Variants in TMEM117 observed in about 807,000 individuals in gnomAD.
TMEM117 encodes transmembrane protein 117.
A neutral mutation model predicts 52.4 loss-of-function variants in TMEM117; 27 were observed. The observed-to-expected ratio is 0.51, with a 90% CI of 0.38 to 0.71. The LOEUF (loss-of-function observed/expected upper bound fraction) is 0.71, where lower values mean the gene tolerates loss of function less well. Ranked by LOEUF, TMEM117 falls within the 30% of genes least tolerant of loss-of-function variation. The pLI is 0.00. For synonymous variants in TMEM117, 215 were observed against 206.3 expected (o/e 1.04, Z -0.36); for missense variants, 556 against 630.5 (o/e 0.88, Z 1.26).
chr12:43,946,732 C>T (rs1000627691), intron 3 of TMEM117, among the ~76,000 whole-genome samples: 4 of 152,126 alleles, frequency 2.6e-5, no homozygotes, highest in African/African-American at 9.7e-5. Flanking sequence ...ACTCATTCAC[C>T]ATATCCTATT....
chr12:44,119,673 G>A (rs1458185553), intron 3 of TMEM117, among the ~76,000 whole-genome samples: 1 of 152,158 alleles, frequency 6.6e-6, no homozygotes, highest in Admixed American at 6.5e-5. Context: ...GGGGCTGTGT[G>A]TAGGAGCTTT....
chr12:44,377,591 A>G (rs1404064546), intron 7 of TMEM117, among the ~76,000 whole-genome samples: 1 of 152,212 alleles, frequency 6.6e-6, no homozygotes, highest in Non-Finnish European at 1.5e-5. Context: ...TACGTTTTAT[A>G]TCTGTCTTTC....
At chr12:43,958,485 C>A (rs1945344144) in intron 3 of TMEM117, among the ~76,000 whole-genome samples, 1 of 152,018 alleles carries the variant, frequency 6.6e-6, no homozygotes, top group Non-Finnish European at 1.5e-5. Context: ...AGAAATAAGA[C>A]AAAGTGATAC....
intron 3 of TMEM117, among the ~76,000 whole-genome samples, chr12:44,122,862 G>A (rs565063483): frequency 6.6e-6 from 1 of 152,230 alleles, no homozygotes; most frequent in African/African-American, 2.4e-5. Flanking sequence ...GAATAATGCT[G>A]CAGTGAACAT....
chr12:44,007,250 AAG>A lies in TMEM117; in HGVS notation c.410+62910_410+62911del, dbSNP rs369559605. Among the ~76,000 whole-genome samples the A allele has an allele frequency of 4.2e-4, 64 of 152,298 alleles. No individual in the cohort carries two copies. In the South Asian group the frequency reaches 0.013, roughly 31 times the overall value. On this transcript the variant is annotated intron_variant, in intron 3 of 7. Coordinates refer to ENST00000266534, the MANE Select transcript of TMEM117 (RefSeq NM_032256.3). ...AGATTGTCAGATTAAGAATAAGAAA[AAG>A]AAATTTTCATTTTATGTTCATTTAT... is the stretch of plus-strand genomic sequence containing the variant.
intron 3 of TMEM117, among the ~76,000 whole-genome samples, chr12:44,117,970 A>G (rs1565835426): frequency 6.6e-6 from 1 of 151,934 alleles, no homozygotes; most frequent in Admixed American, 6.6e-5. Flanking sequence ...CTACCTAATT[A>G]TCTATTAATA....
intron 3 of TMEM117, among the ~76,000 whole-genome samples, chr12:44,057,539 A>G (rs536373386): frequency 5.9e-5 from 9 of 152,188 alleles, no homozygotes; most frequent in African/African-American, 2.2e-4. Flanking sequence ...CATTTTACAG[A>G]GGTCCTGAGA....
At chr12:44,207,947 G>A (rs1949592113) in intron 4 of TMEM117, among the ~76,000 whole-genome samples, 1 of 152,064 alleles carries the variant, frequency 6.6e-6, no homozygotes, top group Admixed American at 6.6e-5. Flanking sequence ...TTGCTGAAAG[G>A]TGGAAAATAA....
chr12:44,289,868 C>T (rs1195981440), intron 5 of TMEM117, among the ~76,000 whole-genome samples: 1 of 152,068 alleles, frequency 6.6e-6, no homozygotes, highest in South Asian at 2.1e-4. Flanking sequence ...AACACCATCA[C>T]CAACACTTGT....
At chr12:44,119,622 G>C (rs1948200737) in intron 3 of TMEM117, among the ~76,000 whole-genome samples, 1 of 152,130 alleles carries the variant, frequency 6.6e-6, no homozygotes, top group African/African-American at 2.4e-5. Context: ...TTAGTGTGGT[G>C]ACTCACACCC....
intron 6 of TMEM117, among the ~76,000 whole-genome samples, chr12:44,370,505 C>CTTTTTTTTTT (rs947989035): frequency 1.4e-4 from 17 of 120,412 alleles, no homozygotes; most frequent in African/African-American, 5.0e-4. Context: ...CACAGAGATT[C>CTTTTTTTTTT]TTTTTTTTTT....
intron 3 of TMEM117, among the ~76,000 whole-genome samples, chr12:44,074,432 T>G (rs909798928): frequency 2.0e-5 from 3 of 152,184 alleles, no homozygotes; most frequent in African/African-American, 7.2e-5. Context: ...AAATTAAATT[T>G]ACGAAGTCTC....
chr12:44,276,451 T>C (rs958084702), intron 5 of TMEM117, among the ~76,000 whole-genome samples: 1 of 151,620 alleles, frequency 6.6e-6, no homozygotes, highest in East Asian at 1.9e-4. Flanking sequence ...CTTGAACTCA[T>C]AGAAAAAGAG....
chr12:44,257,445 C>G (rs1039761002), intron 5 of TMEM117, among the ~76,000 whole-genome samples: 1 of 152,088 alleles, frequency 6.6e-6, no homozygotes, highest in East Asian at 1.9e-4. Context: ...TTAGCCATCT[C>G]CAGTAGAGGA....
chr12:43,820,643 G>A, the TMEM117 span, among the ~76,000 whole-genome samples: 1 of 148,194 alleles, frequency 6.7e-6, no homozygotes, highest in African/African-American at 2.5e-5. Context: ...AGCAAGCATT[G>A]TTATTCTGCA....
At chr12:44,096,880 C>G (rs540384055) in intron 3 of TMEM117, among the ~76,000 whole-genome samples, 1 of 149,308 alleles carries the variant, frequency 6.7e-6, no homozygotes. Context: ...TAATTCAACT[C>G]AAGAGCTTCT....
At chr12:43,960,428 G>T (rs951752708) in intron 3 of TMEM117, among the ~76,000 whole-genome samples, 1 of 152,120 alleles carries the variant, frequency 6.6e-6, no homozygotes, top group Admixed American at 6.6e-5. Context: ...AATACTATTG[G>T]TTTTGCATTA....
At position 44,170,471 on chromosome 12, in the gene TMEM117, A is replaced by T. The variant is rs541399269; in HGVS notation, c.510+26847A>T. Among the ~76,000 whole-genome samples, 157 of 152,310 alleles carry T rather than the reference A, an allele frequency of 1.0e-3. 2 individuals are homozygous for T. The highest frequency in any genetic ancestry group is 1.4e-3 in the Admixed American group (21 of 15,306). ...TTTATAATTTTTTAAATTAAAAAAAATCATTACCAATTCCAATGTCATGAA... is the reference window on the plus strand; with the variant it reads ...TTTATAATTTTTTAAATTAAAAAAATTCATTACCAATTCCAATGTCATGAA... On this transcript the variant is annotated intron_variant, in intron 4 of 7. Coordinates refer to ENST00000266534, the MANE Select transcript of TMEM117 (RefSeq NM_032256.3).
chr12:43,800,421 T>C, the TMEM117 span: 8 of 1,596,612 alleles, frequency 5.0e-6, no homozygotes, highest in Admixed American at 1.7e-5. Flanking sequence ...AGAATCCACA[T>C]ACAAACATAA....
Sources: allele counts gnomAD v4.1 joint callset (sites outside exome capture counted in the v4.1 genomes callset), GRCh38; gene constraint gnomAD v4.1.1; transcripts MANE v1.5; gene names NCBI Gene and HGNC (gene_info 2026-07-23, HGNC 2026-07-21).